Variants in NBEA observed in about 807,000 individuals in gnomAD.
The protein encoded by NBEA is lysosomal-trafficking regulator 2.
In NBEA, 44 loss-of-function variants were observed where a neutral mutation model predicts 343.4. That is an observed-to-expected ratio of 0.13 (90% CI 0.10 to 0.16). The LOEUF (loss-of-function observed/expected upper bound fraction) is 0.16, where lower values mean the gene tolerates loss of function less well. NBEA is among the 10% of genes least tolerant of loss of function. The pLI is 1.00. For missense variants in NBEA, 2,555 were observed against 3,631.3 expected (o/e 0.70, Z 7.62); for synonymous variants, 1,175 against 1,238.7 (o/e 0.95, Z 1.08).
rs2152726741 is a variant in NBEA, at chr13:35,177,002, T to C, written c.4561T>C (p.Leu1521=). ...ATTCTTTTTATTTTCAAAGACTCCATTGGAAAATGTTCCAGGTAACCTTTC... is the reference window on the plus strand; with the variant it reads ...ATTCTTTTTATTTTCAAAGACTCCACTGGAAAATGTTCCAGGTAACCTTTC... ...VTATAASKTP[L]ENVPGNLSPI... Residue 1521 remains leucine, a synonymous_variant, in exon 28 of 59, where the codon TTG becomes CTG. Transcript: ENST00000379939. 6.3e-7 allele frequency: 1 copy of C among 1,581,156 alleles called. No individual in the cohort carries two copies. The highest frequency in any genetic ancestry group is 2.3e-5 in the East Asian group (1 of 43,912).
chr13:35,474,092 G>A (rs1594754181), intron 41 of NBEA: 1 of 152,204 alleles, frequency 6.6e-6, no homozygotes. Context: ...TATTTTTAAG[G>A]ATTTCATTAG....
chr13:34,983,160 A>G lies in NBEA; in HGVS notation c.294+40046A>G, dbSNP rs375662632. Among the ~76,000 whole-genome samples the G allele has an allele frequency of 8.5e-5, 13 of 152,176 alleles. 1 individual carries two copies. The East Asian group carries it at 2.3e-3, about 27-fold the overall frequency. On this transcript the variant is annotated intron_variant, in intron 1 of 58. Transcript: ENST00000379939. Reference sequence around the variant, plus strand: ...TACATTAGGTATTTCTCCTAATGCTATACCTCCCCCTGACCCCCACCCCAC... The same window carrying G: ...TACATTAGGTATTTCTCCTAATGCTGTACCTCCCCCTGACCCCCACCCCAC...
chr13:35,666,514 C>T (rs937401983), intron 56 of NBEA, among the ~76,000 whole-genome samples: 3 of 151,690 alleles, frequency 2.0e-5, no homozygotes, highest in African/African-American at 4.8e-5. Context: ...CTGGTGTTTT[C>T]CTAATTTTCT....
chr13:35,637,177 A>G (rs1357211213), intron 49 of NBEA, among the ~76,000 whole-genome samples: 4 of 152,192 alleles, frequency 2.6e-5, no homozygotes, highest in Non-Finnish European at 5.9e-5. Context: ...GAAGACATAC[A>G]CATGACCAAC....
At chr13:34,987,390 T>A (rs1195223464) in intron 1 of NBEA, among the ~76,000 whole-genome samples, 2 of 151,040 alleles carry the variant, frequency 1.3e-5, no homozygotes, top group African/African-American at 4.8e-5. Context: ...CTTCCCTTTG[T>A]GGGTAACCCG....
intron 47 of NBEA, 48 bp downstream of exon 47, chr13:35,593,495 A>C (rs200203072): frequency 7.2e-5 from 111 of 1,540,260 alleles, no homozygotes; most frequent in Non-Finnish European, 8.6e-5. Context: ...AAATATGTGG[A>C]AATTTTGATT....
intron 41 of NBEA, among the ~76,000 whole-genome samples, chr13:35,547,064 T>C (rs2079099375): frequency 6.6e-6 from 1 of 152,218 alleles, no homozygotes; most frequent in Non-Finnish European, 1.5e-5. Flanking sequence ...GAACATCGTC[T>C]TTCATCAGCC....
chr13:35,196,100 C>T lies in NBEA; in HGVS notation c.5164C>T (p.Pro1722Ser). The change falls in exon 31 of 59, where the codon CCT (proline) becomes TCT (serine). Residue 1722 changes from proline (P) to serine (S), a missense_variant. By Grantham distance (74) the Pro-to-Ser change is moderately conservative. Coordinates refer to ENST00000379939, the MANE Select transcript of NBEA (RefSeq NM_001385012.1). ...KKSQESLTEN[P>S]SETLKPATSI... is the part of the protein sequence containing the mutation. ...ATCACAAGAGAGCTTAACTGAAAAT[C>T]CTAGTGAAACGTTGAAGCCTGCAAC... 2 of 1,613,624 alleles carry T rather than the reference C, an allele frequency of 1.2e-6. No individual in the cohort carries two copies. The highest frequency in any genetic ancestry group is 1.7e-6 in the Non-Finnish European group (2 of 1,179,728).
At position 35,343,646 on chromosome 13, in the gene NBEA, C is replaced by T. The variant is rs540735510; in HGVS notation, c.5904-5462C>T. Among the ~76,000 whole-genome samples, 3 of 152,136 alleles carry T rather than the reference C, an allele frequency of 2.0e-5. No individual in the cohort carries two copies. In the South Asian group the frequency reaches 6.2e-4, roughly 32 times the overall value. On this transcript the variant is annotated intron_variant, in intron 36 of 58. Coordinates refer to ENST00000379939, the MANE Select transcript of NBEA (RefSeq NM_001385012.1). Reference sequence around the variant, plus strand: ...ATTGCTGGCATCACCGCCTGAGCTCCGCCTCCTGTCAGATCAGTGGCAGTA... The same window carrying T: ...ATTGCTGGCATCACCGCCTGAGCTCTGCCTCCTGTCAGATCAGTGGCAGTA...
intron 36 of NBEA, among the ~76,000 whole-genome samples, chr13:35,340,733 G>A: frequency 6.6e-6 from 1 of 151,966 alleles, no homozygotes; most frequent in East Asian, 1.9e-4. Flanking sequence ...TTCAAACATT[G>A]TTGAAAGAAA....
At position 35,651,893 on chromosome 13, in the gene NBEA, G is replaced by T; in HGVS notation, c.8035+17G>T. ...CATTAATAGGTATGTTAATAAAAAAGAATAAATTTTCATGGATACTATCCA... is the reference window on the plus strand; with the variant it reads ...CATTAATAGGTATGTTAATAAAAAATAATAAATTTTCATGGATACTATCCA... On this transcript the variant is annotated intron_variant, in intron 53 of 58. Transcript: ENST00000379939. The T allele has an allele frequency of 7.0e-7, 1 of 1,428,972 alleles. No homozygotes were observed. Among genetic ancestry groups the T allele is most frequent in the Non-Finnish European group, 9.7e-7 (1 of 1,036,148 alleles). 88.5% of individuals were successfully genotyped at this position (1,428,972 alleles called of 1,614,324 possible).
At chr13:35,341,817 CT>C (rs1351690817) in intron 36 of NBEA, among the ~76,000 whole-genome samples, 1 of 152,006 alleles carries the variant, frequency 6.6e-6, no homozygotes, top group Non-Finnish European at 1.5e-5. Context: ...AAGAGTTTGG[CT>C]GTTACTCGAC....
At chr13:35,471,161 C>T (rs1237749808) in intron 40 of NBEA, among the ~76,000 whole-genome samples, 1 of 152,190 alleles carries the variant, frequency 6.6e-6, no homozygotes, top group African/African-American at 2.4e-5. Flanking sequence ...GAAGCCAGCC[C>T]AGCCCTCTGT....
chr13:35,206,404 CA>C (rs1301537808), intron 31 of NBEA, among the ~76,000 whole-genome samples: 1 of 152,020 alleles, frequency 6.6e-6, no homozygotes, highest in Non-Finnish European at 1.5e-5. Context: ...CTAAAAAAAT[CA>C]TGAGAGATGC....
chr13:35,025,315 C>T (rs868869060), intron 1 of NBEA, among the ~76,000 whole-genome samples: 1 of 151,810 alleles, frequency 6.6e-6, no homozygotes, highest in East Asian at 1.9e-4. Context: ...TTAGGCCTTA[C>T]ATTTAAGTCT....
At chr13:35,277,397 A>G (rs1338677896) in intron 34 of NBEA, among the ~76,000 whole-genome samples, 1 of 151,940 alleles carries the variant, frequency 6.6e-6, no homozygotes, top group Non-Finnish European at 1.5e-5. Flanking sequence ...CGAGGTGGGT[A>G]GATCACTTGA....
At chr13:35,631,948 C>T (rs1185856314) in intron 49 of NBEA, among the ~76,000 whole-genome samples, 2 of 152,148 alleles carry the variant, frequency 1.3e-5, no homozygotes, top group South Asian at 2.1e-4. Context: ...TGATAATAAA[C>T]TTTATCATGA....
intron 10 of NBEA, among the ~76,000 whole-genome samples, chr13:35,092,594 A>G (rs117440504): frequency 0.046 from 6,943 of 152,104 alleles, 237 homozygotes; most frequent in Non-Finnish European, 0.067. Flanking sequence ...GGATGTCAAA[A>G]TAGTTCATGA....
chr13:35,202,889 A>AT (rs1249672258), intron 31 of NBEA, among the ~76,000 whole-genome samples: 5 of 152,048 alleles, frequency 3.3e-5, no homozygotes, highest in Middle Eastern at 3.4e-3. Context: ...CTTAAGGCAA[A>AT]TTTTTTTGCA....
Sources: allele counts gnomAD v4.1 joint callset (sites outside exome capture counted in the v4.1 genomes callset), GRCh38; gene constraint gnomAD v4.1.1; transcripts MANE v1.5; gene names NCBI Gene and HGNC (gene_info 2026-07-23, HGNC 2026-07-21).